The following CSMD1 variants were observed in gnomAD, a reference collection of about 807,000 sequenced individuals.
The protein encoded by CSMD1 is CUB and sushi domain-containing protein 1.
Under a neutral mutation model 417.5 loss-of-function variants are expected in CSMD1, and 213 were observed. The observed-to-expected ratio is 0.51, with a 90% CI of 0.46 to 0.57. The LOEUF (loss-of-function observed/expected upper bound fraction) is 0.57. Among genes scored for constraint, CSMD1 ranks in the 20% least tolerant of loss-of-function variants. The probability of loss-of-function intolerance (pLI) is 0.00; values close to 1 mark genes in which losing one functional copy is unlikely to be tolerated. For synonymous variants in CSMD1, 2,862 were observed against 1,736.8 expected (o/e 1.65, Z -16.11); for missense variants, 6,923 against 4,529.7 (o/e 1.53, Z -15.17).
At chr8:4,096,617 C>G (rs569560453) in intron 3 of CSMD1, among the ~76,000 whole-genome samples, 12 of 152,170 alleles carry the variant, frequency 7.9e-5, no homozygotes, top group South Asian at 6.2e-4. Context: ...TGATCAATTA[C>G]AATGAAAGAT....
Position 3,087,138 on chromosome 8 carries a change from A to C in CSMD1, c.7433T>G (p.Leu2478Arg). The change falls in exon 49 of 70, where the codon CTT becomes CGT. Residue 2478 changes from leucine to arginine, a missense_variant. Leu to Arg is a moderately radical substitution (Grantham distance 102, BLOSUM62 -2). Transcript: ENST00000635120. ...GAGGGAGTCCCACTGGTACATGCCA[A>C]GTGGGTTTCGTCTACAGGTTGCATT... ...HSNATCRRNPLGMYQWDSLTP... is the reference protein window; with the variant it reads ...HSNATCRRNPRGMYQWDSLTP... The C allele has an allele frequency of 6.2e-7, 1 of 1,613,786 alleles. No homozygotes were observed. The highest frequency in any genetic ancestry group is 8.5e-7 in the Non-Finnish European group (1 of 1,179,898).
At chr8:3,030,783 C>A (rs1810293509) in intron 50 of CSMD1, among the ~76,000 whole-genome samples, 1 of 152,080 alleles carries the variant, frequency 6.6e-6, no homozygotes, top group Non-Finnish European at 1.5e-5. Context: ...CTACACCAAG[C>A]CTATATTCAA....
intron 5 of CSMD1, among the ~76,000 whole-genome samples, chr8:3,808,488 C>T (rs1585029775): frequency 6.6e-6 from 1 of 152,230 alleles, no homozygotes; most frequent in East Asian, 1.9e-4. Context: ...AATATGTTTT[C>T]TGCCTTATGA....
At chr8:3,977,400 G>C (rs1027758499) in intron 5 of CSMD1, among the ~76,000 whole-genome samples, 2 of 152,090 alleles carry the variant, frequency 1.3e-5, no homozygotes, top group South Asian at 2.1e-4. Context: ...AATTTCTAAA[G>C]GTTTTGTTTT....
At chr8:3,294,869 C>A (rs566531394) in intron 25 of CSMD1, among the ~76,000 whole-genome samples, 8 of 152,100 alleles carry the variant, frequency 5.3e-5, no homozygotes, top group Admixed American at 2.6e-4. Flanking sequence ...GAGATGTACC[C>A]GGTACCTTAG....
intron 10 of CSMD1, among the ~76,000 whole-genome samples, chr8:3,508,706 T>C (rs1371500535): frequency 6.6e-6 from 1 of 152,146 alleles, no homozygotes; most frequent in Non-Finnish European, 1.5e-5. Context: ...GCGAGTTTTA[T>C]GTCATGAATA....
chr8:3,439,780 A>G (rs947380048), intron 12 of CSMD1, among the ~76,000 whole-genome samples: 1 of 152,138 alleles, frequency 6.6e-6, no homozygotes, highest in Non-Finnish European at 1.5e-5. Flanking sequence ...TAAAACTTTT[A>G]TATGTTTACA....
At chr8:4,915,483 T>C (rs1805993152) in intron 1 of CSMD1, among the ~76,000 whole-genome samples, 1 of 152,140 alleles carries the variant, frequency 6.6e-6, no homozygotes, top group African/African-American at 2.4e-5. Context: ...AGAACCAACA[T>C]ATATTTATTT....
intron 54 of CSMD1, among the ~76,000 whole-genome samples, chr8:2,988,285 T>C (rs1806099815): frequency 6.6e-6 from 1 of 152,174 alleles, no homozygotes; most frequent in African/African-American, 2.4e-5. Context: ...TTTATGCTTA[T>C]GTACATAAGC....
At chr8:4,221,991 C>A (rs965507310) in intron 3 of CSMD1, among the ~76,000 whole-genome samples, 4 of 152,030 alleles carry the variant, frequency 2.6e-5, no homozygotes, top group Non-Finnish European at 5.9e-5. Flanking sequence ...GTCCACCCAA[C>A]GGTCTGTCCC....
At chr8:4,657,392 T>G (rs1318183182) in intron 1 of CSMD1, among the ~76,000 whole-genome samples, 1 of 152,190 alleles carries the variant, frequency 6.6e-6, no homozygotes, top group Non-Finnish European at 1.5e-5. Flanking sequence ...TTTTCCTTTC[T>G]TTCTTATTCA....
intron 11 of CSMD1, among the ~76,000 whole-genome samples, chr8:3,478,425 G>A (rs984891662): frequency 2.0e-5 from 3 of 152,204 alleles, no homozygotes; most frequent in African/African-American, 4.8e-5. Flanking sequence ...ATGACATGCA[G>A]ATCCTTTTTT....
At chr8:3,816,674 G>A (rs1386350022) in intron 5 of CSMD1, among the ~76,000 whole-genome samples, 1 of 152,092 alleles carries the variant, frequency 6.6e-6, no homozygotes, top group Non-Finnish European at 1.5e-5. Context: ...TATTTAAGAT[G>A]GATATCTCAA....
At chr8:3,307,333 C>G (rs902572926) in intron 25 of CSMD1, among the ~76,000 whole-genome samples, 1 of 152,028 alleles carries the variant, frequency 6.6e-6, no homozygotes, top group Non-Finnish European at 1.5e-5. Context: ...GCCCTCACAC[C>G]TAAGGAAGGT....
At chr8:3,643,318 A>G (rs1430139849) in intron 7 of CSMD1, among the ~76,000 whole-genome samples, 2 of 151,622 alleles carry the variant, frequency 1.3e-5, no homozygotes, top group East Asian at 3.9e-4. Flanking sequence ...GAAAGAGGTG[A>G]AAAAAAATGA....
rs571609078 is a variant in CSMD1, at chr8:3,498,628, C to A, written c.1345-4902G>T. Among the ~76,000 whole-genome samples the A allele has an allele frequency of 3.9e-5, 6 of 152,264 alleles. No homozygotes were observed. In the South Asian group the frequency reaches 1.2e-3, roughly 32 times the overall value. ...TGATCTCTTCTCCTTCTAGAACTCCCATAATGGGAATATTTGTCCCCTGCA... is the reference window on the plus strand; with the variant it reads ...TGATCTCTTCTCCTTCTAGAACTCCAATAATGGGAATATTTGTCCCCTGCA... On this transcript the variant is annotated intron_variant, in intron 10 of 69. Transcript: ENST00000635120.
At chr8:3,666,362 A>T (rs946350528) in intron 7 of CSMD1, among the ~76,000 whole-genome samples, 3 of 152,236 alleles carry the variant, frequency 2.0e-5, no homozygotes, top group African/African-American at 7.2e-5. Context: ...GTTTAAAATG[A>T]CATATTCAGT....
intron 12 of CSMD1, among the ~76,000 whole-genome samples, chr8:3,431,670 C>T (rs79069863): frequency 0.014 from 2,168 of 152,210 alleles, 53 homozygotes; most frequent in East Asian, 0.093. Context: ...TTCATGTTTC[C>T]GGTAACATAT....
In CSMD1 at chr8:4,104,878, T is replaced by C. The variant is rs188227515; in HGVS notation, c.416-72779A>G. 1.4e-3 allele frequency among the ~76,000 whole-genome samples: 216 copies of C among 152,338 alleles called. 2 individuals are homozygous for C. The highest frequency in any genetic ancestry group is 5.0e-3 in the African/African-American group (208 of 41,572). On this transcript the variant is annotated intron_variant, in intron 3 of 69. Transcript: ENST00000635120. Reference sequence around the variant, plus strand: ...GCCTTACATTTTTAGGTATTACTTTTTCTTTTGTATCCATTAAGATCAATC... The same window carrying C: ...GCCTTACATTTTTAGGTATTACTTTCTCTTTTGTATCCATTAAGATCAATC...
Sources: gnomAD v4.1 joint callset for allele counts (sites outside exome capture counted in the v4.1 genomes callset) on GRCh38, gnomAD v4.1.1 for gene constraint, MANE v1.5 for transcripts, NCBI Gene and HGNC (gene_info 2026-07-23, HGNC 2026-07-21) for gene names.